The following DENND2C variants were observed in gnomAD, a reference collection of about 807,000 sequenced individuals.
The protein encoded by DENND2C is DENN domain containing 2C, also known as DENN domain-containing protein 2C.
Under a neutral mutation model 112.4 loss-of-function variants are expected in DENND2C, and 72 were observed. The ratio of observed to expected loss-of-function variants is 0.64; its 90% CI spans 0.53 to 0.78. The LOEUF (loss-of-function observed/expected upper bound fraction) is 0.78, where lower values mean the gene tolerates loss of function less well. Among genes scored for constraint, DENND2C ranks in the 30% least tolerant of loss-of-function variants. DENND2C has a pLI of 0.00. For synonymous variants in DENND2C, 329 were observed against 381.6 expected (o/e 0.86, Z 1.61); for missense variants, 992 against 1,113.8 (o/e 0.89, Z 1.56).
chr1:114,601,436 TA>T, intron 13 of DENND2C, 71 bp downstream of exon 13: 1 of 1,469,744 alleles, frequency 6.8e-7, no homozygotes, highest in Non-Finnish European at 9.3e-7. Context: ...AGTAACATGT[TA>T]AACTCTATGC....
At chr1:114,640,636 CAGAGA>C (rs571664277) in intron 3 of DENND2C, among the ~76,000 whole-genome samples, 192 of 152,270 alleles carry the variant, frequency 1.3e-3, no homozygotes, top group African/African-American at 4.5e-3. Flanking sequence ...AGCAGGAGTT[CAGAGA>C]AAAGATGCAA....
chr1:114,622,726 A>T (rs1419462904), intron 6 of DENND2C, among the ~76,000 whole-genome samples: 1 of 151,974 alleles, frequency 6.6e-6, no homozygotes, highest in Non-Finnish European at 1.5e-5. Context: ...GGGAGTGGGA[A>T]CTATAGTAAA....
chr1:114,645,831 C>T (rs577402946), intron 2 of DENND2C, among the ~76,000 whole-genome samples: 10 of 150,746 alleles, frequency 6.6e-5, no homozygotes, highest in Admixed American at 4.0e-4. Flanking sequence ...TTACAGATAA[C>T]ACATTCTTTG....
At chr1:114,615,707 T>C (rs188618176) in intron 8 of DENND2C, among the ~76,000 whole-genome samples, 4 of 152,338 alleles carry the variant, frequency 2.6e-5, no homozygotes, top group Non-Finnish European at 4.4e-5. Context: ...AGACTTAAGA[T>C]GTAACCCAGA....
chr1:114,661,051 C>T (rs1454182331), intron 1 of DENND2C, among the ~76,000 whole-genome samples: 2 of 143,436 alleles, frequency 1.4e-5, no homozygotes, highest in Admixed American at 7.5e-5. Context: ...GCGGAGGTTG[C>T]AGTGAGCCGG....
chr1:114,600,413 G>C, intron 14 of DENND2C, 61 bp from the exon 15 acceptor site: 2 of 1,585,260 alleles, frequency 1.3e-6, no homozygotes, highest in Non-Finnish European at 1.7e-6. Context: ...TAGTGCCAAC[G>C]CTATGGATCC....
At chr1:114,645,842 T>C (rs1227755156) in intron 2 of DENND2C, among the ~76,000 whole-genome samples, 1 of 152,200 alleles carries the variant, frequency 6.6e-6, no homozygotes, top group Non-Finnish European at 1.5e-5. Flanking sequence ...ACATTCTTTG[T>C]TTTGGGCAAC....
At chr1:114,622,541 A>C (rs750696142) in intron 6 of DENND2C, among the ~76,000 whole-genome samples, 2 of 152,190 alleles carry the variant, frequency 1.3e-5, no homozygotes, top group African/African-American at 4.8e-5. Context: ...CACCATTTGT[A>C]AAGAAGTTTC....
intron 8 of DENND2C, among the ~76,000 whole-genome samples, chr1:114,614,259 A>G (rs1280913448): frequency 6.6e-6 from 1 of 151,718 alleles, no homozygotes; most frequent in Non-Finnish European, 1.5e-5. Flanking sequence ...CTGAAGAAAT[A>G]TTTAGGTTGG....
intron 1 of DENND2C, among the ~76,000 whole-genome samples, chr1:114,658,867 C>T (rs1488365350): frequency 6.6e-6 from 1 of 151,850 alleles, no homozygotes; most frequent in Non-Finnish European, 1.5e-5. Context: ...TAGTGAGACC[C>T]TGTCTCTGTT....
intron 5 of DENND2C, 93 bp downstream of exon 5, chr1:114,623,414 A>G: frequency 1.1e-5 from 14 of 1,271,544 alleles, no homozygotes; most frequent in Non-Finnish European, 1.5e-5. Flanking sequence ...AGAGCAATAT[A>G]TGCTTGATTA....
At chr1:114,611,351 C>A (rs574683936) in intron 8 of DENND2C, among the ~76,000 whole-genome samples, 1 of 152,088 alleles carries the variant, frequency 6.6e-6, no homozygotes, top group Non-Finnish European at 1.5e-5. Flanking sequence ...CTTCACTCCT[C>A]GGCTCCCCTC....
At chr1:114,588,076 T>C (rs2101638044) in intron 18 of DENND2C, 124 bp from the exon 19 acceptor site, 1 of 797,612 alleles carries the variant, frequency 1.3e-6, no homozygotes, top group East Asian at 2.7e-5. Flanking sequence ...AGAATAAATC[T>C]AGGAGTGTTC....
intron 8 of DENND2C, among the ~76,000 whole-genome samples, chr1:114,618,050 G>C (rs149318374): frequency 0.068 from 10,227 of 151,140 alleles, 413 homozygotes; most frequent in Middle Eastern, 0.099. Flanking sequence ...GTGCAGTGGT[G>C]CGATTTCAGC....
Position 114,600,307 on chromosome 1 carries a change from C to T in DENND2C, c.2002G>A (p.Asp668Asn), listed in dbSNP as rs1443718069. 1.2e-6 allele frequency: 2 copies of T among 1,614,034 alleles called. No homozygotes were observed. The highest frequency in any genetic ancestry group is 1.7e-6 in the Non-Finnish European group (2 of 1,179,970). Reference sequence around the variant, plus strand: ...AGGCACTTAAAGAGACATTTAAAATCAACATGTTCCAATCGGGAATCTAGT... The same window carrying T: ...AGGCACTTAAAGAGACATTTAAAATTAACATGTTCCAATCGGGAATCTAGT... The part of the protein sequence containing the change: ...RPLDSRLEHV[D>N]FKCLFKCLSV... Residue 668 changes from aspartate (D) to asparagine (N), a missense_variant, in exon 15 of 21, where the codon GAT becomes AAT. Coordinates refer to ENST00000393274, the MANE Select transcript of DENND2C (RefSeq NM_001256404.2).
intron 2 of DENND2C, among the ~76,000 whole-genome samples, chr1:114,647,831 C>T (rs543812615): frequency 6.6e-6 from 1 of 151,086 alleles, no homozygotes; most frequent in Non-Finnish European, 1.5e-5. Flanking sequence ...TTTTTTGAGA[C>T]AGTCTCACTG....
Position 114,596,597 on chromosome 1 carries a change from G to C in DENND2C, c.2284-724C>G, listed in dbSNP as rs74864545. ...AATATTTAGAGATGAAATTGTGTCA[G>C]GATATCCTTCAAAATATTATGGGAA... On this transcript the variant is annotated intron_variant, in intron 16 of 20. Coordinates refer to ENST00000393274, the MANE Select transcript of DENND2C (RefSeq NM_001256404.2). Among the ~76,000 whole-genome samples, 493 of 152,104 alleles carry C rather than the reference G, an allele frequency of 3.2e-3. 3 individuals are homozygous for C. Among genetic ancestry groups the C allele is most frequent in the African/African-American group, 0.011 (468 of 41,496 alleles).
chr1:114,622,377 A>G (rs1445409468), intron 6 of DENND2C, among the ~76,000 whole-genome samples: 1 of 151,760 alleles, frequency 6.6e-6, no homozygotes, highest in Non-Finnish European at 1.5e-5. Flanking sequence ...CAGCCTCCCA[A>G]AGTTCTGGGA....
At chr1:114,653,860 T>C (rs1364296626) in intron 2 of DENND2C, among the ~76,000 whole-genome samples, 2 of 152,140 alleles carry the variant, frequency 1.3e-5, no homozygotes, top group African/African-American at 2.4e-5. Flanking sequence ...AGAGGAGATT[T>C]AGAATATTAT....
Sources: allele counts gnomAD v4.1 joint callset (sites outside exome capture counted in the v4.1 genomes callset), GRCh38; gene constraint gnomAD v4.1.1; transcripts MANE v1.5; gene names NCBI Gene and HGNC (gene_info 2026-07-23, HGNC 2026-07-21).